TMEM123: variants seen among roughly 807,000 people sequenced by gnomAD.
TMEM123 encodes transmembrane protein 123, also known as porimin.
Under a neutral mutation model 19.7 loss-of-function variants are expected in TMEM123, and 16 were observed. That is an observed-to-expected ratio of 0.81 (90% CI 0.55 to 1.23). TMEM123 has a LOEUF of 1.23. TMEM123 is among the 50% of genes most tolerant of loss of function. TMEM123 has a pLI of 0.00. For missense variants in TMEM123, 313 were observed against 257.8 expected (o/e 1.21, Z -1.47); for synonymous variants, 118 against 99.4 (o/e 1.19, Z -1.12).
At chr11:102,431,589 G>T (rs1857710702) in intron 2 of TMEM123, among the ~76,000 whole-genome samples, 1 of 152,166 alleles carries the variant, frequency 6.6e-6, no homozygotes, top group Non-Finnish European at 1.5e-5. Flanking sequence ...ACTCTCTGCA[G>T]TTCCATCCAT....
intron 2 of TMEM123, among the ~76,000 whole-genome samples, chr11:102,419,532 A>C (rs1952067567): frequency 6.6e-6 from 1 of 152,220 alleles, no homozygotes; most frequent in East Asian, 1.9e-4. Context: ...CCCCAGGGCA[A>C]CTGCGTGTCC....
chr11:102,438,638 AT>A (rs1857790751), intron 2 of TMEM123, among the ~76,000 whole-genome samples: 1 of 152,364 alleles, frequency 6.6e-6, no homozygotes, highest in Admixed American at 6.5e-5. Flanking sequence ...AGATGGCCGA[AT>A]AGGAACAGCT....
In TMEM123 at chr11:102,421,500, CAAAG is replaced by C. The variant is rs539909132; in HGVS notation, c.158-19298_158-19295del. On this transcript the variant is annotated intron_variant, in intron 2 of 4. Coordinates refer to ENST00000398136, the MANE Select transcript of TMEM123 (RefSeq NM_052932.3). ...CATTAACAAGCTCAAAGCACCACAACAAAGAGATATTCAGTCAGCAAAAAAAAAA... is the reference window on the plus strand; with the variant it reads ...CATTAACAAGCTCAAAGCACCACAACAGATATTCAGTCAGCAAAAAAAAAA... Among the ~76,000 whole-genome samples, 1,070 of 150,680 alleles carry C rather than the reference CAAAG, an allele frequency of 7.1e-3. 11 individuals carry two copies. Among genetic ancestry groups the C allele is most frequent in the African/African-American group, 0.024 (978 of 40,788 alleles).
chr11:102,447,234 A>G (rs1383317712), intron 2 of TMEM123, among the ~76,000 whole-genome samples: 1 of 152,234 alleles, frequency 6.6e-6, no homozygotes, highest in Admixed American at 6.5e-5. Context: ...AGCTGCCCTC[A>G]AAGTATTCAG....
rs549459751 is a variant in TMEM123, at chr11:102,440,782, C to G, written c.157+8030G>C. Among the ~76,000 whole-genome samples, 23 of 152,250 alleles carry G rather than the reference C, an allele frequency of 1.5e-4. 1 individual carries two copies. In the South Asian group the frequency reaches 4.8e-3, roughly 32 times the overall value. ...GGATAAAGAGTCAAGACTCATCACTCTGCTGTATTCAGGAGACCCATCTCA... is the reference window on the plus strand; with the variant it reads ...GGATAAAGAGTCAAGACTCATCACTGTGCTGTATTCAGGAGACCCATCTCA... On this transcript the variant is annotated intron_variant, in intron 2 of 4. Transcript: ENST00000398136.
chr11:102,425,799 T>C (rs903623329), intron 2 of TMEM123, among the ~76,000 whole-genome samples: 2 of 151,980 alleles, frequency 1.3e-5, no homozygotes, highest in Non-Finnish European at 1.5e-5. Flanking sequence ...TGCAGGCTGG[T>C]CTTAACTCCT....
intron 2 of TMEM123, among the ~76,000 whole-genome samples, chr11:102,443,837 A>T (rs1331345243): frequency 6.6e-6 from 1 of 152,240 alleles, no homozygotes; most frequent in African/African-American, 2.4e-5. Context: ...CAAAGAACTT[A>T]AACAAATTTA....
intron 2 of TMEM123, among the ~76,000 whole-genome samples, chr11:102,410,738 G>C (rs1356779782): frequency 1.3e-5 from 2 of 151,900 alleles, no homozygotes; most frequent in Non-Finnish European, 2.9e-5. Flanking sequence ...TCTGTACCGA[G>C]AACTATGCTA....
intron 2 of TMEM123, among the ~76,000 whole-genome samples, chr11:102,439,211 A>C (rs1370668410): frequency 6.6e-6 from 1 of 152,098 alleles, no homozygotes; most frequent in Non-Finnish European, 1.5e-5. Flanking sequence ...TGCAGACTTA[A>C]AACTTGCTTG....
intron 1 of TMEM123, among the ~76,000 whole-genome samples, chr11:102,450,185 A>T (rs1857924057): frequency 6.6e-6 from 1 of 152,148 alleles, no homozygotes; most frequent in South Asian, 2.1e-4. Context: ...CTAACACAAC[A>T]GCCTGTTTTT....
chr11:102,445,719 A>C (rs1029087991), intron 2 of TMEM123, among the ~76,000 whole-genome samples: 20 of 152,216 alleles, frequency 1.3e-4, no homozygotes, highest in African/African-American at 4.8e-4. Flanking sequence ...CCAAGTGCTC[A>C]AAATGGTGGT....
rs111323110 is a variant in TMEM123, at chr11:102,447,792, C to T, written c.157+1020G>A. On this transcript the variant is annotated intron_variant, in intron 2 of 4. Transcript: ENST00000398136. ...CTAGAATTAAAGTATGTCCTGACTA[C>T]GTACCACCAGACACCAGTCAAAAAG... Among the ~76,000 whole-genome samples the T allele has an allele frequency of 1.2e-3, 189 of 152,212 alleles. 1 individual carries two copies. The highest frequency in any genetic ancestry group is 4.1e-3 in the African/African-American group (171 of 41,528).
At chr11:102,414,136 TCAGA>T (rs1471394359) in intron 2 of TMEM123, among the ~76,000 whole-genome samples, 2 of 151,504 alleles carry the variant, frequency 1.3e-5, no homozygotes, top group Non-Finnish European at 1.5e-5. Context: ...ATCAACTCAG[TCAGA>T]CAAAGAAACA....
intron 2 of TMEM123, among the ~76,000 whole-genome samples, chr11:102,437,614 G>A (rs769607056): frequency 6.6e-6 from 1 of 152,104 alleles, no homozygotes; most frequent in Admixed American, 6.5e-5. Flanking sequence ...CATACTTCAG[G>A]AAAGAAAGCA....
chr11:102,426,666 CTATG>C (rs577953591), intron 2 of TMEM123, among the ~76,000 whole-genome samples: 25 of 152,176 alleles, frequency 1.6e-4, no homozygotes, highest in African/African-American at 5.8e-4. Flanking sequence ...AAAGAGGCTG[CTATG>C]TAAGTTTTAG....
chr11:102,435,811 G>GA (rs1455665748), intron 2 of TMEM123, among the ~76,000 whole-genome samples: 1 of 151,884 alleles, frequency 6.6e-6, no homozygotes, highest in Non-Finnish European at 1.5e-5. Flanking sequence ...CCATTCATAT[G>GA]AAAGTCCAGA....
chr11:102,400,384 C>T (rs918139924), intron 4 of TMEM123, among the ~76,000 whole-genome samples: 1 of 152,182 alleles, frequency 6.6e-6, no homozygotes, highest in African/African-American at 2.4e-5. Flanking sequence ...ATTTTAAAGG[C>T]TTAGAGAAGT....
chr11:102,442,136 G>T (rs994745186), intron 2 of TMEM123, among the ~76,000 whole-genome samples: 2 of 152,200 alleles, frequency 1.3e-5, no homozygotes, highest in Admixed American at 6.5e-5. Context: ...AGAGGAGCTG[G>T]TAGCACTCCT....
At chr11:102,404,182 C>T (rs1374710494) in intron 2 of TMEM123, among the ~76,000 whole-genome samples, 2 of 152,186 alleles carry the variant, frequency 1.3e-5, no homozygotes, top group East Asian at 1.9e-4. Flanking sequence ...AGGTTCCTTG[C>T]CCCGCCACTG....
Sources: gnomAD v4.1 joint callset for allele counts (sites outside exome capture counted in the v4.1 genomes callset) on GRCh38, gnomAD v4.1.1 for gene constraint, MANE v1.5 for transcripts, NCBI Gene and HGNC (gene_info 2026-07-23, HGNC 2026-07-21) for gene names.